The following ALOX5 variants were observed in gnomAD, a reference collection of about 807,000 sequenced individuals.
ALOX5 encodes the protein arachidonate 5-lipoxygenase, also known as polyunsaturated fatty acid 5-lipoxygenase.
Under a neutral mutation model 87.9 loss-of-function variants are expected in ALOX5, and 64 were observed. The observed-to-expected ratio is 0.73, with a 90% CI of 0.60 to 0.90. The LOEUF is 0.90. ALOX5 is among the 40% of genes least tolerant of loss of function. ALOX5 has a pLI of 0.00. For synonymous variants in ALOX5, 388 were observed against 355.1 expected (o/e 1.09, Z -1.04); for missense variants, 822 against 907.5 (o/e 0.91, Z 1.21).
At chr10:45,381,086 G>A (rs1315943659) in intron 1 of ALOX5, among the ~76,000 whole-genome samples, 1 of 152,266 alleles carries the variant, frequency 6.6e-6, no homozygotes, top group Non-Finnish European at 1.5e-5. Flanking sequence ...AAGCCCTCCA[G>A]AAGCTATGGC....
At chr10:45,442,091 G>A (rs1285743148) in intron 9 of ALOX5, among the ~76,000 whole-genome samples, 1 of 152,188 alleles carries the variant, frequency 6.6e-6, no homozygotes, top group Non-Finnish European at 1.5e-5. Flanking sequence ...AGCTGGACAA[G>A]ACATGCCTTA....
intron 1 of ALOX5, among the ~76,000 whole-genome samples, chr10:45,374,933 G>A (rs1420432721): frequency 6.6e-6 from 1 of 152,142 alleles, no homozygotes; most frequent in Non-Finnish European, 1.5e-5. Context: ...CACGTCAGCG[G>A]GTCCAGAGGC....
chr10:45,408,479 G>A (rs1203009416), intron 3 of ALOX5, among the ~76,000 whole-genome samples: 2 of 152,118 alleles, frequency 1.3e-5, no homozygotes, highest in Admixed American at 6.5e-5. Flanking sequence ...GTTAAGATAA[G>A]GGGTTGTGGA....
chr10:45,375,113 T>G (rs1864414), intron 1 of ALOX5, among the ~76,000 whole-genome samples: 25,535 of 151,934 alleles, frequency 0.17, 2,215 homozygotes, highest in South Asian at 0.19. Context: ...CTCAGGACAG[T>G]CCCCAGAGGA....
intron 3 of ALOX5, among the ~76,000 whole-genome samples, chr10:45,398,171 A>C (rs778150264): frequency 9.2e-5 from 14 of 152,246 alleles, no homozygotes; most frequent in Non-Finnish European, 1.8e-4. Flanking sequence ...AATAGACTTG[A>C]GAGTCCAGAA....
In ALOX5 at chr10:45,405,887, C is replaced by T. The variant is rs543227048; in HGVS notation, c.432-6304C>T. Among the ~76,000 whole-genome samples the T allele has an allele frequency of 1.3e-3, 196 of 152,216 alleles. 1 individual carries two copies. Among genetic ancestry groups the T allele is most frequent in the Admixed American group, 2.6e-3 (40 of 15,294 alleles). ...CCAAGTAGCTGGGGCTACAGGCGTG[C>T]GCCACCATGCCCCACTCCTGCCACG... On this transcript the variant is annotated intron_variant, in intron 3 of 13. Coordinates refer to ENST00000374391, the MANE Select transcript of ALOX5 (RefSeq NM_000698.5).
intron 6 of ALOX5, 24 bp from the exon 7 acceptor site, chr10:45,428,594 G>A (rs1327039004): frequency 1.2e-6 from 2 of 1,613,600 alleles, no homozygotes; most frequent in Admixed American, 1.7e-5. Context: ...GCCTGATTTG[G>A]ACACATCTCT....
At chr10:45,429,601 A>G (rs1272240044) in intron 7 of ALOX5, among the ~76,000 whole-genome samples, 1 of 152,246 alleles carries the variant, frequency 6.6e-6, no homozygotes, top group East Asian at 1.9e-4. Flanking sequence ...TTGTTTGTAA[A>G]CAAACCTTCT....
chr10:45,411,604 T>A (rs1355464695), intron 3 of ALOX5, among the ~76,000 whole-genome samples: 1 of 152,220 alleles, frequency 6.6e-6, no homozygotes, highest in Non-Finnish European at 1.5e-5. Flanking sequence ...TAATAATCTC[T>A]AAAGCTGCTA....
chr10:45,416,913 A>C (rs1841311935), intron 4 of ALOX5, among the ~76,000 whole-genome samples: 1 of 151,742 alleles, frequency 6.6e-6, no homozygotes, highest in Admixed American at 6.6e-5. Flanking sequence ...GATGGATGGA[A>C]GTATAGACAG....
At chr10:45,394,335 A>G (rs1798086702) in intron 2 of ALOX5, among the ~76,000 whole-genome samples, 1 of 152,216 alleles carries the variant, frequency 6.6e-6, no homozygotes, top group African/African-American at 2.4e-5. Flanking sequence ...GACAAACCTG[A>G]CAAAAACAAG....
intron 3 of ALOX5, 86 bp from the exon 4 acceptor site, chr10:45,412,105 C>T (rs888164365): frequency 1.6e-5 from 25 of 1,562,284 alleles, no homozygotes; most frequent in Middle Eastern, 1.7e-4. Flanking sequence ...TGTGTAACAT[C>T]GTCTGACAGT....
chr10:45,403,400 A>T (rs1318624100), intron 3 of ALOX5, among the ~76,000 whole-genome samples: 1 of 152,236 alleles, frequency 6.6e-6, no homozygotes, highest in Non-Finnish European at 1.5e-5. Flanking sequence ...GAGGTGTGTC[A>T]TAGCGGAACC....
At chr10:45,388,390 C>T (rs1342623831) in intron 2 of ALOX5, among the ~76,000 whole-genome samples, 1 of 152,192 alleles carries the variant, frequency 6.6e-6, no homozygotes, top group Non-Finnish European at 1.5e-5. Context: ...ACAGACTGCC[C>T]CCTCAAGTGG....
At chr10:45,421,689 C>T (rs1474532338) in intron 4 of ALOX5, among the ~76,000 whole-genome samples, 1 of 152,228 alleles carries the variant, frequency 6.6e-6, no homozygotes, top group African/African-American at 2.4e-5. Flanking sequence ...ACAGCAGCCT[C>T]CCTGGAAGCA....
At chr10:45,424,636 TGG>T (rs891270881) in intron 5 of ALOX5, among the ~76,000 whole-genome samples, 3 of 152,152 alleles carry the variant, frequency 2.0e-5, no homozygotes, top group Non-Finnish European at 4.4e-5. Flanking sequence ...AATCAGGACA[TGG>T]GGAACCAAAC....
rs745473821 is a variant in ALOX5, at chr10:45,382,620, C to T, written c.288C>T (p.Ile96=). The change falls in exon 2 of 14, where the codon ATC becomes ATT. Residue 96 remains isoleucine (I), a synonymous_variant. Coordinates refer to ENST00000374391, the MANE Select transcript of ALOX5 (RefSeq NM_000698.5). ...ITLKTPHGDY[I]EFPCYRWITG... is the part of the protein sequence containing the mutation. ...TGAAGACGCCCCACGGGGACTACAT[C>T]GAGTTCCCCTGCTACCGCTGGATCA... The T allele has an allele frequency of 6.8e-6, 11 of 1,613,998 alleles. No individual in the cohort carries two copies. The highest frequency in any genetic ancestry group is 1.1e-5 in the South Asian group (1 of 91,078).
At chr10:45,375,217 C>T (rs929772550) in intron 1 of ALOX5, among the ~76,000 whole-genome samples, 6 of 152,208 alleles carry the variant, frequency 3.9e-5, no homozygotes, top group Non-Finnish European at 8.8e-5. Flanking sequence ...CCAGGGAACA[C>T]TTCCACGCTA....
chr10:45,381,013 G>A lies in ALOX5; in HGVS notation c.151-1470G>A, dbSNP rs376484923. 1.2e-4 allele frequency among the ~76,000 whole-genome samples: 19 copies of A among 152,356 alleles called. 2 individuals are homozygous for A. The highest frequency in any genetic ancestry group is 3.3e-4 in the Admixed American group (5 of 15,306). ...CCAAACCTGCTGGTCATCAGAATGC[G>A]TGATGCAATGCCTGAGCCTCTCATC... On this transcript the variant is annotated intron_variant, in intron 1 of 13. Transcript: ENST00000374391.
Sources: allele counts gnomAD v4.1 joint callset (sites outside exome capture counted in the v4.1 genomes callset), GRCh38; gene constraint gnomAD v4.1.1; transcripts MANE v1.5; gene names NCBI Gene and HGNC (gene_info 2026-07-23, HGNC 2026-07-21).